The following KCNT2 variants were observed in gnomAD, a reference collection of about 807,000 sequenced individuals.
KCNT2 encodes potassium sodium-activated channel subfamily T member 2.
KCNT2 carries 67 observed loss-of-function variants against 153.8 expected under a neutral mutation model. The ratio of observed to expected loss-of-function variants is 0.44; its 90% CI spans 0.36 to 0.53. The LOEUF (loss-of-function observed/expected upper bound fraction) is 0.53. Among genes scored for constraint, KCNT2 ranks in the 20% least tolerant of loss-of-function variants. KCNT2 has a pLI of 0.00. For synonymous variants in KCNT2, 500 were observed against 458.8 expected (o/e 1.09, Z -1.15); for missense variants, 975 against 1,354.8 (o/e 0.72, Z 4.40).
intron 13 of KCNT2, among the ~76,000 whole-genome samples, chr1:196,386,989 T>C (rs190547121): frequency 5.9e-5 from 9 of 152,222 alleles, no homozygotes; most frequent in Non-Finnish European, 1.5e-5. Context: ...TTGTAGTCTA[T>C]ATAAACATAA....
chr1:196,486,393 A>ATGC lies in KCNT2; in HGVS notation c.275+3444_275+3445insGCA, dbSNP rs1679423421. Reference sequence around the variant, plus strand: ...TGAATTAGACTGTCCTGTTGATAAAATTCATGTATGAAGCATTATTGTGAA... The same window carrying ATGC: ...TGAATTAGACTGTCCTGTTGATAAAATGCTTCATGTATGAAGCATTATTGTGAA... On this transcript the variant is annotated intron_variant, in intron 3 of 27. Coordinates refer to ENST00000294725, the MANE Select transcript of KCNT2 (RefSeq NM_198503.5). Among the ~76,000 whole-genome samples the ATGC allele has an allele frequency of 5.3e-5, 8 of 152,130 alleles. No homozygotes were observed. In the South Asian group the frequency reaches 1.7e-3, roughly 32 times the overall value.
chr1:196,439,380 A>G lies in KCNT2; in HGVS notation c.639-9623T>C, dbSNP rs555123680. ...AGAACTTGATTACAACCAATGTACA[A>G]CAGAAAATACAGAAATTTCCTGGGG... On this transcript the variant is annotated intron_variant, in intron 8 of 27. Transcript: ENST00000294725. Among the ~76,000 whole-genome samples, 47 of 152,086 alleles carry G rather than the reference A, an allele frequency of 3.1e-4. 1 individual carries two copies. The South Asian group carries it at 8.3e-3, about 27-fold the overall frequency.
Position 196,261,776 on chromosome 1 carries a change from A to G in KCNT2, c.2911-3282T>C, listed in dbSNP as rs371426270. On this transcript the variant is annotated intron_variant, in intron 25 of 27. Coordinates refer to ENST00000294725, the MANE Select transcript of KCNT2 (RefSeq NM_198503.5). Reference sequence around the variant, plus strand: ...TCTATGAATTATTTTGTACTTTTCCATGGAATAACTACAGAACTCTGACTT... The same window carrying G: ...TCTATGAATTATTTTGTACTTTTCCGTGGAATAACTACAGAACTCTGACTT... Among the ~76,000 whole-genome samples, 32 of 152,034 alleles carry G rather than the reference A, an allele frequency of 2.1e-4. No homozygotes were observed. In the East Asian group the frequency reaches 4.6e-3, roughly 22 times the overall value.
chr1:196,515,502 A>G (rs1681975981), intron 1 of KCNT2, among the ~76,000 whole-genome samples: 1 of 152,246 alleles, frequency 6.6e-6, no homozygotes, highest in Non-Finnish European at 1.5e-5. Context: ...TGTGTTCTTT[A>G]GAACTAGGAA....
chr1:196,413,370 G>A (rs1054568035), intron 12 of KCNT2, among the ~76,000 whole-genome samples: 4 of 151,620 alleles, frequency 2.6e-5, no homozygotes, highest in African/African-American at 9.7e-5. Context: ...TTGATCACAT[G>A]AAAGTGACTT....
intron 3 of KCNT2, among the ~76,000 whole-genome samples, chr1:196,485,924 A>AT (rs1470751320): frequency 2.6e-5 from 4 of 151,978 alleles, no homozygotes; most frequent in South Asian, 2.1e-4. Context: ...AATCTCATTG[A>AT]TAAAAAAAAC....
chr1:196,467,107 A>C lies in KCNT2; in HGVS notation c.543+596T>G, dbSNP rs527521165. 7.9e-5 allele frequency among the ~76,000 whole-genome samples: 12 copies of C among 152,194 alleles called. No homozygotes were observed. In the South Asian group the frequency reaches 8.3e-4, roughly 11 times the overall value. On this transcript the variant is annotated intron_variant, in intron 7 of 27. Coordinates refer to ENST00000294725, the MANE Select transcript of KCNT2 (RefSeq NM_198503.5). The stretch of plus-strand genomic sequence containing the variant: ...CTGCATATGAGACTACCTACAATTA[A>C]GAGCAGTTTGACTAAATCACTTACT...
intron 25 of KCNT2, among the ~76,000 whole-genome samples, chr1:196,269,872 G>T (rs192461268): frequency 6.6e-6 from 1 of 151,942 alleles, no homozygotes; most frequent in African/African-American, 2.4e-5. Context: ...AATATTTAAG[G>T]TTTACAATCC....
intron 13 of KCNT2, among the ~76,000 whole-genome samples, chr1:196,374,320 T>C (rs1455441536): frequency 6.6e-6 from 1 of 151,810 alleles, no homozygotes; most frequent in East Asian, 1.9e-4. Context: ...ACATGGGAAA[T>C]GGTTTAGCAA....
At chr1:196,360,126 A>T (rs1667499184) in intron 14 of KCNT2, among the ~76,000 whole-genome samples, 2 of 152,190 alleles carry the variant, frequency 1.3e-5, no homozygotes, top group South Asian at 4.1e-4. Context: ...GGATACATCA[A>T]ATAAAATGCC....
intron 1 of KCNT2, among the ~76,000 whole-genome samples, chr1:196,504,807 G>A (rs1379826816): frequency 6.6e-6 from 1 of 152,166 alleles, no homozygotes; most frequent in Non-Finnish European, 1.5e-5. Flanking sequence ...TCTCATTGTG[G>A]TTTTGATTTG....
chr1:196,350,108 A>G (rs967468228), intron 14 of KCNT2, among the ~76,000 whole-genome samples: 10 of 152,162 alleles, frequency 6.6e-5, no homozygotes, highest in Admixed American at 2.6e-4. Context: ...GTCTATCATT[A>G]TTGGACATTT....
intron 12 of KCNT2, among the ~76,000 whole-genome samples, chr1:196,405,134 TA>T (rs1373572802): frequency 6.6e-6 from 1 of 151,340 alleles, no homozygotes; most frequent in Non-Finnish European, 1.5e-5. Context: ...TACAGATAAT[TA>T]AACTAACAAA....
chr1:196,590,586 A>G (rs906008249), intron 1 of KCNT2, among the ~76,000 whole-genome samples: 15 of 152,098 alleles, frequency 9.9e-5, no homozygotes, highest in African/African-American at 3.1e-4. Context: ...AATGTAGGAC[A>G]TGCTCCTCCA....
At position 196,372,584 on chromosome 1, in the gene KCNT2, G is replaced by T. The variant is rs1668628958; in HGVS notation, c.1403+556C>A. 4.6e-5 allele frequency among the ~76,000 whole-genome samples: 7 copies of T among 151,808 alleles called. No individual in the cohort carries two copies. In the South Asian group the frequency reaches 1.2e-3, roughly 27 times the overall value. On this transcript the variant is annotated intron_variant, in intron 14 of 27. Coordinates refer to ENST00000294725, the MANE Select transcript of KCNT2 (RefSeq NM_198503.5). The stretch of plus-strand genomic sequence containing the variant: ...AAAATAAACAAACAAGAATAAAAAA[G>T]GTTCTAATGGTACAACTTTCTCCAA...
At chr1:196,444,401 A>G (rs978468709) in intron 8 of KCNT2, among the ~76,000 whole-genome samples, 1 of 151,290 alleles carries the variant, frequency 6.6e-6, no homozygotes, top group Admixed American at 6.6e-5. Flanking sequence ...CTTAACTTTC[A>G]AAAACAAGCA....
rs76577442 is a variant in KCNT2, at chr1:196,429,558, A to G, written c.819+19T>C. On this transcript the variant is annotated intron_variant, in intron 9 of 27. Transcript: ENST00000294725. ...ATGTCTCTGTACATTTCTATGCAAT[A>G]TAAGATGGTTTTGTTTACCTGTATG... 6,458 of 1,555,328 alleles carry G rather than the reference A, an allele frequency of 4.2e-3. 222 individuals are homozygous for G. In the African/African-American group the frequency reaches 0.075, roughly 18 times the overall value.
At chr1:196,459,896 C>G (rs1676999461) in intron 8 of KCNT2, among the ~76,000 whole-genome samples, 1 of 151,764 alleles carries the variant, frequency 6.6e-6, no homozygotes, top group Non-Finnish European at 1.5e-5. Flanking sequence ...GCTTCAGGTC[C>G]CAAATCAGGG....
At chr1:196,424,889 C>T (rs1572402772) in intron 11 of KCNT2, among the ~76,000 whole-genome samples, 1 of 149,846 alleles carries the variant, frequency 6.7e-6, no homozygotes. Context: ...CACACACATA[C>T]ACACACACTT....
Sources: gnomAD v4.1 joint callset for allele counts (sites outside exome capture counted in the v4.1 genomes callset) on GRCh38, gnomAD v4.1.1 for gene constraint, MANE v1.5 for transcripts, NCBI Gene and HGNC (gene_info 2026-07-23, HGNC 2026-07-21) for gene names.